The following SPAG7 variants were observed in gnomAD, a reference collection of about 807,000 sequenced individuals.
SPAG7 encodes the protein sperm-associated antigen 7.
SPAG7 carries 20 observed loss-of-function variants against 30.6 expected under a neutral mutation model. The ratio of observed to expected loss-of-function variants is 0.65; its 90% CI spans 0.46 to 0.95. SPAG7 has a LOEUF of 0.95. SPAG7 is among the 40% of genes least tolerant of loss of function. The pLI is 0.00. For missense variants in SPAG7, 276 were observed against 291.1 expected (o/e 0.95, Z 0.38); for synonymous variants, 127 against 104.2 (o/e 1.22, Z -1.33).
At chr17:4,963,615 C>A (rs936349998) in intron 1 of SPAG7, among the ~76,000 whole-genome samples, 1 of 151,956 alleles carries the variant, frequency 6.6e-6, no homozygotes, top group Non-Finnish European at 1.5e-5. Flanking sequence ...TGTGCCACCA[C>A]GCCCAGCTAA....
Position 4,967,170 on chromosome 17 carries a change from A to G in SPAG7, c.85+550T>C, listed in dbSNP as rs188036153. On this transcript the variant is annotated intron_variant, in intron 1 of 6. Transcript: ENST00000206020. ...GGAATTTAAGGCTACGGATGGGAAA[A>G]AGGTTGTCGGAGGGAGGCAGAAGGG... The G allele has an allele frequency of 8.3e-3, 8,153 of 986,692 alleles. 39 individuals carry two copies. The highest frequency in any genetic ancestry group is 9.0e-3 in the Non-Finnish European group (7,435 of 830,414). The allele number at this position is 986,692 out of a possible 1,614,324, so 61.1% of individuals were successfully genotyped here.
chr17:4,964,727 C>T (rs1329799608), intron 1 of SPAG7, among the ~76,000 whole-genome samples: 2 of 151,204 alleles, frequency 1.3e-5, no homozygotes, highest in Non-Finnish European at 2.9e-5. Flanking sequence ...TGCACTGAAC[C>T]TCTCCCCATC....
intron 1 of SPAG7, among the ~76,000 whole-genome samples, chr17:4,965,194 T>C (rs1360642891): frequency 1.3e-5 from 2 of 152,238 alleles, no homozygotes; most frequent in Non-Finnish European, 2.9e-5. Context: ...ATTACAGGCG[T>C]GAGCCACCAC....
chr17:4,961,428 G>A (rs1971861291), intron 1 of SPAG7, among the ~76,000 whole-genome samples: 1 of 149,204 alleles, frequency 6.7e-6, no homozygotes, highest in Admixed American at 6.7e-5. Context: ...TTGCACTCCA[G>A]CCTGGGCAAC....
intron 1 of SPAG7, 75 bp downstream of exon 1, chr17:4,967,645 G>T: frequency 2.6e-6 from 3 of 1,141,350 alleles, no homozygotes; most frequent in African/African-American, 1.5e-5. Context: ...TGAGGAGGCG[G>T]CATCGTCCAA....
intron 1 of SPAG7, among the ~76,000 whole-genome samples, chr17:4,961,719 G>T: frequency 7.0e-6 from 1 of 143,010 alleles, no homozygotes; most frequent in African/African-American, 2.6e-5. Context: ...GAGCAGAGAT[G>T]GCGCCACTGC....
intron 1 of SPAG7, among the ~76,000 whole-genome samples, chr17:4,964,867 C>T (rs1971923679): frequency 6.6e-6 from 1 of 152,112 alleles, no homozygotes; most frequent in East Asian, 1.9e-4. Flanking sequence ...TCCCGAGTAG[C>T]TGGGATTACA....
rs1256725761 is a variant in SPAG7 at position 4,967,305 on chromosome 17, C to A, written c.85+415G>T. On this transcript the variant is annotated intron_variant, in intron 1 of 6. Transcript: ENST00000206020. Reference sequence around the variant, plus strand: ...GGAAGGTCGAACAGGCCTGAGGAGGCAGAGCTTTAAGTTGAGATAGCCAAT... The same window carrying A: ...GGAAGGTCGAACAGGCCTGAGGAGGAAGAGCTTTAAGTTGAGATAGCCAAT... 5.8e-6 allele frequency: 5 copies of A among 867,954 alleles called. No homozygotes were observed. The African/African-American group carries it at 9.1e-5, about 16-fold the overall frequency. The allele number at this position is 867,954 out of a possible 1,614,324, so 53.8% of individuals were successfully genotyped here.
intron 1 of SPAG7, chr17:4,966,532 C>T (rs1971955448): frequency 1.1e-6 from 1 of 948,552 alleles, no homozygotes; most frequent in Non-Finnish European, 1.3e-6. Context: ...CATGCTTCCT[C>T]CTTTCTCAGA....
At chr17:4,960,200 G>GGA in intron 4 of SPAG7, 34 bp downstream of exon 4, 3 of 1,606,224 alleles carry the variant, frequency 1.9e-6, no homozygotes, top group Non-Finnish European at 2.6e-6. Flanking sequence ...GCTACAAAGG[G>GGA]GAGAGGAGAG....
intron 1 of SPAG7, among the ~76,000 whole-genome samples, chr17:4,962,871 C>T (rs988832553): frequency 6.6e-6 from 1 of 151,982 alleles, no homozygotes; most frequent in Non-Finnish European, 1.5e-5. Context: ...ATAACCCTCC[C>T]ACCTGGGCCT....
chr17:4,959,700 G>GC (rs750667780), intron 6 of SPAG7, 57 bp from the exon 7 acceptor site: 122 of 1,613,146 alleles, frequency 7.6e-5, no homozygotes, highest in Middle Eastern at 5.0e-4. Flanking sequence ...AGCCTCCACT[G>GC]CCCTCCTGCC....
chr17:4,960,374 C>T (rs1971841668), intron 3 of SPAG7, 56 bp from the exon 4 acceptor site: 1 of 1,602,166 alleles, frequency 6.2e-7, no homozygotes, highest in East Asian at 2.2e-5. Context: ...GGGCCTAGTG[C>T]CCTCCTCTGG....
chr17:4,964,357 CTTTT>C (rs1169648266), intron 1 of SPAG7, among the ~76,000 whole-genome samples: 3 of 110,028 alleles, frequency 2.7e-5, no homozygotes, highest in Non-Finnish European at 3.4e-5. Context: ...TCCTTTACAT[CTTTT>C]TTTTTTTTTT....
chr17:4,959,377 C>T lies in SPAG7; in HGVS notation c.*157G>A, dbSNP rs535548564. 1.3e-5 allele frequency: 8 copies of T among 632,474 alleles called. No homozygotes were observed. The highest frequency in any genetic ancestry group is 3.7e-5 in the South Asian group (2 of 54,162). 39.2% of individuals were successfully genotyped at this position (632,474 alleles called of 1,614,324 possible). On this transcript the variant is annotated 3_prime_UTR_variant, in exon 7 of 7. Coordinates refer to ENST00000206020, the MANE Select transcript of SPAG7 (RefSeq NM_004890.3). Reference sequence around the variant, plus strand: ...TGCCACGCACATATCCAAGCTCCAACGGTGACAAATCAAACACCTGTTTTC... The same window carrying T: ...TGCCACGCACATATCCAAGCTCCAATGGTGACAAATCAAACACCTGTTTTC...
intron 5 of SPAG7, 48 bp from the exon 6 acceptor site, chr17:4,959,964 C>T (rs1157041165): frequency 6.2e-7 from 1 of 1,613,164 alleles, no homozygotes; most frequent in South Asian, 1.1e-5. Flanking sequence ...CAGCCCAAAC[C>T]CCCACCCCTC....
intron 1 of SPAG7, chr17:4,967,134 C>T (rs1971970169): frequency 1.0e-6 from 1 of 986,232 alleles, no homozygotes; most frequent in South Asian, 4.6e-5. Flanking sequence ...ACGATCCGCC[C>T]GGGCAGCTCG....
At chr17:4,965,252 T>C (rs1971931097) in intron 1 of SPAG7, among the ~76,000 whole-genome samples, 1 of 152,200 alleles carries the variant, frequency 6.6e-6, no homozygotes. Flanking sequence ...TTTCGCCATG[T>C]TGGCCAGCCT....
chr17:4,963,704 G>C (rs868082572), intron 1 of SPAG7, among the ~76,000 whole-genome samples: 1 of 152,186 alleles, frequency 6.6e-6, no homozygotes, highest in Middle Eastern at 3.4e-3. Flanking sequence ...TGATCCACCT[G>C]CCTCGGCCTC....
Sources: gnomAD v4.1 joint callset for allele counts (sites outside exome capture counted in the v4.1 genomes callset) on GRCh38, gnomAD v4.1.1 for gene constraint, MANE v1.5 for transcripts, NCBI Gene and HGNC (gene_info 2026-07-23, HGNC 2026-07-21) for gene names.